ALG6: variants seen among roughly 807,000 people sequenced by gnomAD.
ALG6 encodes the protein ALG6 alpha-1,3-glucosyltransferase, also known as dolichyl pyrophosphate Man9GlcNAc2 alpha-1,3-glucosyltransferase.
A neutral mutation model predicts 66.6 loss-of-function variants in ALG6; 46 were observed. The observed-to-expected ratio is 0.69, with a 90% CI of 0.55 to 0.88. ALG6 has a LOEUF of 0.88. ALG6 is among the 40% of genes least tolerant of loss of function. The pLI is 0.00. For missense variants in ALG6, 505 were observed against 586.8 expected (o/e 0.86, Z 1.44); for synonymous variants, 185 against 203.7 (o/e 0.91, Z 0.78).
intron 10 of ALG6, among the ~76,000 whole-genome samples, chr1:63,414,515 G>T (rs778617319): frequency 4.6e-5 from 7 of 152,152 alleles, no homozygotes; most frequent in Non-Finnish European, 7.3e-5. Context: ...CTCCCAAAGT[G>T]CTGGGATTAC....
intron 2 of ALG6, among the ~76,000 whole-genome samples, chr1:63,373,709 G>A (rs1478923995): frequency 7.0e-6 from 1 of 142,292 alleles, no homozygotes; most frequent in African/African-American, 2.7e-5. Flanking sequence ...TGCCCAGGCT[G>A]GAGTGCAGTG....
chr1:63,381,933 G>A (rs1248578660), intron 2 of ALG6, among the ~76,000 whole-genome samples: 1 of 152,028 alleles, frequency 6.6e-6, no homozygotes, highest in Non-Finnish European at 1.5e-5. Context: ...ACTATTTACA[G>A]GATGTGATCA....
chr1:63,383,191 T>C (rs1302599656), intron 2 of ALG6, among the ~76,000 whole-genome samples: 1 of 151,866 alleles, frequency 6.6e-6, no homozygotes, highest in African/African-American at 2.4e-5. Flanking sequence ...TGTGAAATCT[T>C]AGCTCACTGT....
chr1:63,400,208 T>A (rs1470757916), intron 3 of ALG6, among the ~76,000 whole-genome samples: 4,986 of 20,942 alleles, frequency 0.24, 1,283 homozygotes, highest in East Asian at 0.45. Context: ...AAAAAAAAAA[T>A]ATATATATAT....
intron 12 of ALG6, among the ~76,000 whole-genome samples, chr1:63,427,589 C>A (rs142395156): frequency 3.2e-4 from 48 of 152,116 alleles, no homozygotes; most frequent in African/African-American, 1.1e-3. Context: ...ATTATTATTT[C>A]CATTTCCACT....
At chr1:63,411,395 CT>C in intron 8 of ALG6, 64 bp downstream of exon 8, 5 of 1,456,902 alleles carry the variant, frequency 3.4e-6, no homozygotes, top group Non-Finnish European at 4.7e-6. Context: ...GGCATACTTA[CT>C]TGCAGTAAGA....
rs1644514565 is a variant in ALG6, at chr1:63,411,277, C to T, written c.626C>T (p.Pro209Leu). The change falls in exon 8 of 15, where the codon CCA becomes CTA. Residue 209 changes from proline to leucine, a missense_variant. Pro to Leu is a moderately conservative substitution (Grantham distance 98). Transcript: ENST00000263440. ...YKQMELYHALPFFCFLLGKCF... is the reference protein window; with the variant it reads ...YKQMELYHALLFFCFLLGKCF... ...CAGATGGAACTTTACCACGCCTTGCCATTTTTTTGCTTTTTACTTGGCAAG... is the reference window on the plus strand; with the variant it reads ...CAGATGGAACTTTACCACGCCTTGCTATTTTTTTGCTTTTTACTTGGCAAG... 1.2e-6 allele frequency: 2 copies of T among 1,613,694 alleles called. No homozygotes were observed. Among genetic ancestry groups the T allele is most frequent in the Non-Finnish European group, 1.7e-6 (2 of 1,179,894 alleles).
chr1:63,411,041 G>A, intron 7 of ALG6, 105 bp from the exon 8 acceptor site: 1 of 1,095,362 alleles, frequency 9.1e-7, no homozygotes, highest in Non-Finnish European at 1.4e-6. Flanking sequence ...TAAGAGATAT[G>A]CTATGAGCTT....
chr1:63,431,567 C>T (rs1644645616), intron 14 of ALG6, among the ~76,000 whole-genome samples: 1 of 152,162 alleles, frequency 6.6e-6, no homozygotes, highest in Non-Finnish European at 1.5e-5. Context: ...TGGGCCTGTG[C>T]CACCACACCC....
chr1:63,409,071 T>C (rs12727776), intron 7 of ALG6, among the ~76,000 whole-genome samples: 28,822 of 152,178 alleles, frequency 0.19, 2,993 homozygotes, highest in Middle Eastern at 0.27. Context: ...TGAGCCACTG[T>C]GCCTAGCTCT....
intron 2 of ALG6, among the ~76,000 whole-genome samples, chr1:63,382,285 T>A (rs1212800641): frequency 2.0e-5 from 3 of 151,556 alleles, no homozygotes; most frequent in Non-Finnish European, 4.4e-5. Context: ...TACTGCAACC[T>A]CTGCCTCCCC....
chr1:63,370,353 T>C (rs1160604567), intron 1 of ALG6, among the ~76,000 whole-genome samples: 2 of 152,298 alleles, frequency 1.3e-5, no homozygotes, highest in East Asian at 3.9e-4. Context: ...TGGAAGACTT[T>C]CCCAAACTAA....
At chr1:63,424,859 A>G (rs1644606972) in intron 12 of ALG6, among the ~76,000 whole-genome samples, 1 of 147,876 alleles carries the variant, frequency 6.8e-6, no homozygotes, top group Non-Finnish European at 1.5e-5. Context: ...GCTCACTACA[A>G]CCTCCACCTA....
At chr1:63,409,028 C>G (rs1354928626) in intron 7 of ALG6, among the ~76,000 whole-genome samples, 2 of 152,188 alleles carry the variant, frequency 1.3e-5, no homozygotes, top group African/African-American at 4.8e-5. Context: ...GATCCACCCA[C>G]CTTGGCCTCC....
chr1:63,424,402 G>A (rs1242740018), intron 12 of ALG6, among the ~76,000 whole-genome samples: 1 of 152,160 alleles, frequency 6.6e-6, no homozygotes, highest in African/African-American at 2.4e-5. Flanking sequence ...GCCTCCCAAA[G>A]TGCTGGGATT....
chr1:63,437,528 A>AATT lies in ALG6; in HGVS notation c.*510_*512dup, dbSNP rs1644691989. 1 of 153,314 alleles carries AATT rather than the reference A, an allele frequency of 6.5e-6. No homozygotes were observed. Among genetic ancestry groups the AATT allele is most frequent in the Admixed American group, 6.5e-5 (1 of 15,400 alleles). The allele number at this position is 153,314 out of a possible 1,614,324, so 9.5% of individuals were successfully genotyped here. A position where few individuals can be genotyped will look rare whatever the true frequency, so the allele number is the denominator to read the frequency against. ...ACTGTTTAGAAGTCATATCTTAGGG[A>AATT]ATTAAATTTGTGATAATCTTTTTAA... On this transcript the variant is annotated 3_prime_UTR_variant, in exon 15 of 15. Transcript: ENST00000263440.
rs1226508981 is a variant in ALG6 at position 63,400,277 on chromosome 1, ATATACG to A, written c.168-1972_168-1967del. 5.0e-4 allele frequency among the ~76,000 whole-genome samples: 11 copies of A among 21,784 alleles called. 3 individuals are homozygous for A. Among genetic ancestry groups the A allele is most frequent in the Non-Finnish European group, 6.3e-4 (10 of 15,822 alleles). The allele number at this position is 21,784 out of a possible 152,430, so 14.3% of individuals were successfully genotyped here. A position where few individuals can be genotyped will look rare whatever the true frequency, so the allele number is the denominator to read the frequency against. On this transcript the variant is annotated intron_variant, in intron 3 of 14. Transcript: ENST00000263440. ...TATGTATATATATATACGTATATAT[ATATACG>A]TATATATATATACGTATATATATGT... is the stretch of plus-strand genomic sequence containing the variant.
At chr1:63,392,037 C>A (rs1429152581) in intron 2 of ALG6, among the ~76,000 whole-genome samples, 2 of 152,142 alleles carry the variant, frequency 1.3e-5, no homozygotes, top group Non-Finnish European at 2.9e-5. Flanking sequence ...TTCCCCAAAG[C>A]TGCATTGGCT....
chr1:63,427,157 T>C (rs1428294750), intron 12 of ALG6, among the ~76,000 whole-genome samples: 3 of 149,308 alleles, frequency 2.0e-5, no homozygotes, highest in Non-Finnish European at 4.4e-5. Context: ...CGCACCACCG[T>C]GTCCAGCTAA....
Sources: gnomAD v4.1 joint callset for allele counts (sites outside exome capture counted in the v4.1 genomes callset) on GRCh38, gnomAD v4.1.1 for gene constraint, MANE v1.5 for transcripts, NCBI Gene and HGNC (gene_info 2026-07-23, HGNC 2026-07-21) for gene names.